Variants in RAB27B observed in about 807,000 individuals in gnomAD.
RAB27B encodes ras-related protein Rab-27B.
Under a neutral mutation model 24.6 loss-of-function variants are expected in RAB27B, and 15 were observed. That is an observed-to-expected ratio of 0.61 (90% CI 0.41 to 0.94). The LOEUF is 0.94. Among genes scored for constraint, RAB27B ranks in the 40% least tolerant of loss-of-function variants. The probability of loss-of-function intolerance (pLI) is 0.00; values close to 1 mark genes in which losing one functional copy is unlikely to be tolerated. For missense variants in RAB27B, 261 were observed against 266.8 expected, an observed-to-expected ratio of 0.98 and a Z score of 0.15; for synonymous variants, 105 against 92.5, an observed-to-expected ratio of 1.14 and a Z score of -0.78.
At chr18:54,769,670 C>A (rs984151482) in intron 2 of RAB27B, among the ~76,000 whole-genome samples, 1 of 152,060 alleles carries the variant, frequency 6.6e-6, no homozygotes, top group African/African-American at 2.4e-5. Context: ...GATATTCTTG[C>A]AATATTTTAA....
intron 5 of RAB27B, 97 bp from the exon 6 acceptor site, chr18:54,889,127 A>G: frequency 8.4e-7 from 1 of 1,184,214 alleles, no homozygotes; most frequent in Non-Finnish European, 1.1e-6. Context: ...ACAATCTCTC[A>G]GCCAGCCGTT....
chr18:54,867,549 C>T lies in RAB27B; in HGVS notation c.-19-10018C>T, dbSNP rs142259059. 2.6e-3 allele frequency among the ~76,000 whole-genome samples: 384 copies of T among 148,492 alleles called. 4 individuals are homozygous for T. Among genetic ancestry groups the T allele is most frequent in the African/African-American group, 8.7e-3 (352 of 40,462 alleles). ...GCAACTTCCGCCTCTTGGGTTCAAG[C>T]GATTCTTCTGCCTCAGCCTCCTGAG... On this transcript the variant is annotated intron_variant, in intron 1 of 5. Transcript: ENST00000262094.
chr18:54,759,279 T>G (rs951040493), intron 2 of RAB27B, among the ~76,000 whole-genome samples: 1 of 152,200 alleles, frequency 6.6e-6, no homozygotes, highest in Non-Finnish European at 1.5e-5. Context: ...TTTTTCTACC[T>G]TTTGTATCCT....
chr18:54,777,327 T>TTAGA (rs1196422586), intron 2 of RAB27B, among the ~76,000 whole-genome samples: 2 of 152,186 alleles, frequency 1.3e-5, no homozygotes, highest in East Asian at 3.9e-4. Context: ...TGCAGTTCTC[T>TTAGA]TAGATCTCTT....
Position 54,787,824 on chromosome 18 carries a change from T to C in RAB27B, c.-20+69683T>C, listed in dbSNP as rs562568798. On this transcript the variant is annotated intron_variant, in intron 2 of 4. Coordinates refer to the RAB27B transcript ENST00000586570. The stretch of plus-strand genomic sequence containing the variant: ...TTATGGCTTTGGCTCCATATGTACA[T>C]GCCTAAGTTAAGTGTTCATCACTTG... 2.0e-5 allele frequency among the ~76,000 whole-genome samples: 3 copies of C among 152,290 alleles called. No individual in the cohort carries two copies. The East Asian group carries it at 5.8e-4, about 29-fold the overall frequency.
chr18:54,881,326 G>T (rs1448955309), intron 3 of RAB27B, among the ~76,000 whole-genome samples: 1 of 151,976 alleles, frequency 6.6e-6, no homozygotes, highest in Non-Finnish European at 1.5e-5. Flanking sequence ...GCAGGGGTGG[G>T]TTCTAAAGGG....
intron 2 of RAB27B, among the ~76,000 whole-genome samples, chr18:54,878,016 T>C (rs563938815): frequency 1.2e-3 from 185 of 152,308 alleles, no homozygotes; most frequent in Non-Finnish European, 2.4e-3. Context: ...TACAAATTCT[T>C]AAGAAATCTT....
At chr18:54,853,560 C>A (rs940506255) in intron 1 of RAB27B, among the ~76,000 whole-genome samples, 1 of 152,126 alleles carries the variant, frequency 6.6e-6, no homozygotes, top group African/African-American at 2.4e-5. Context: ...ATAGTTTTCT[C>A]TAAGTACTGT....
At chr18:54,882,753 A>T (rs1366204920) in intron 3 of RAB27B, among the ~76,000 whole-genome samples, 2 of 152,202 alleles carry the variant, frequency 1.3e-5, no homozygotes, top group African/African-American at 4.8e-5. Flanking sequence ...AGTCAAAGGG[A>T]TGAAGTTGGA....
chr18:54,884,307 A>G, intron 3 of RAB27B, 26 bp from the exon 4 acceptor site: 2 of 1,427,274 alleles, frequency 1.4e-6, no homozygotes, highest in Non-Finnish European at 9.9e-7. Context: ...TAACTTTCAG[A>G]ACTACCCACT....
At chr18:54,879,522 T>C (rs1912838661) in intron 3 of RAB27B, 68 bp downstream of exon 3, 3 of 1,259,022 alleles carry the variant, frequency 2.4e-6, no homozygotes, top group South Asian at 2.4e-5. Flanking sequence ...ATGAATTCTG[T>C]ATGTGAACTT....
At chr18:54,724,884 C>T in intron 2 of RAB27B, among the ~76,000 whole-genome samples, 1 of 151,482 alleles carries the variant, frequency 6.6e-6, no homozygotes, top group African/African-American at 2.4e-5. Context: ...GTTTGGTGAA[C>T]AGAATGGTTA....
chr18:54,812,562 C>CACACAG (rs1200686109), intron 2 of RAB27B, among the ~76,000 whole-genome samples: 3 of 141,854 alleles, frequency 2.1e-5, no homozygotes, highest in Non-Finnish European at 3.2e-5. Context: ...CACACACACA[C>CACACAG]ACACACACAC....
At chr18:54,840,700 C>A (rs1911073827) in intron 1 of RAB27B, among the ~76,000 whole-genome samples, 1 of 152,110 alleles carries the variant, frequency 6.6e-6, no homozygotes, top group Admixed American at 6.5e-5. Flanking sequence ...GTAGAAAGGG[C>A]CTTTTGTCTT....
intron 1 of RAB27B, among the ~76,000 whole-genome samples, chr18:54,831,263 T>G (rs1910663290): frequency 6.6e-6 from 1 of 152,004 alleles, no homozygotes; most frequent in South Asian, 2.1e-4. Flanking sequence ...ATGATCCATG[T>G]AGATATGTGG....
intron 2 of RAB27B, among the ~76,000 whole-genome samples, chr18:54,822,073 A>C (rs574006790): frequency 2.6e-5 from 4 of 152,332 alleles, no homozygotes; most frequent in Admixed American, 6.5e-5. Context: ...TATTCTTTAC[A>C]ACTTATATCA....
chr18:54,748,412 A>G (rs941432258), intron 2 of RAB27B, among the ~76,000 whole-genome samples: 4 of 152,222 alleles, frequency 2.6e-5, no homozygotes, highest in African/African-American at 9.6e-5. Context: ...TTTCTTATTA[A>G]TAAAATACAA....
chr18:54,891,842 A>C lies in RAB27B; in HGVS notation c.*2429A>C, dbSNP rs1234317493. On this transcript the variant is annotated 3_prime_UTR_variant, in exon 6 of 6. Transcript: ENST00000262094. Reference sequence around the variant, plus strand: ...GACTATTCCTGTAAAAATAACAATTATTGGGTAATAACTTCAAGAGGAATG... The same window carrying C: ...GACTATTCCTGTAAAAATAACAATTCTTGGGTAATAACTTCAAGAGGAATG... The C allele has an allele frequency of 1.3e-5, 2 of 152,096 alleles. No homozygotes were observed. Among genetic ancestry groups the C allele is most frequent in the Non-Finnish European group, 2.9e-5 (2 of 67,998 alleles). The allele number at this position is 152,096 out of a possible 1,614,324, so 9.4% of individuals were successfully genotyped here.
chr18:54,770,570 C>A (rs114071383), intron 2 of RAB27B, among the ~76,000 whole-genome samples: 1,644 of 151,982 alleles, frequency 0.011, 36 homozygotes, highest in African/African-American at 0.038. Flanking sequence ...TAATAATAAT[C>A]GAAACAAAGT....
Sources: gnomAD v4.1 joint callset for allele counts (sites outside exome capture counted in the v4.1 genomes callset) on GRCh38, gnomAD v4.1.1 for gene constraint, MANE v1.5 for transcripts, NCBI Gene and HGNC (gene_info 2026-07-23, HGNC 2026-07-21) for gene names.